Variants in ARID3B observed in about 807,000 individuals in gnomAD.
The protein encoded by ARID3B is AT-rich interactive domain-containing protein 3B.
ARID3B carries 10 observed loss-of-function variants against 51.9 expected under a neutral mutation model. The ratio of observed to expected loss-of-function variants is 0.19; its 90% CI spans 0.12 to 0.33. ARID3B has a LOEUF of 0.33. ARID3B is among the 10% of genes least tolerant of loss of function. The pLI, the probability that ARID3B is intolerant of heterozygous loss-of-function variation, is 1.00. For synonymous variants in ARID3B, 205 were observed against 279.5 expected (o/e 0.73, Z 2.66); for missense variants, 483 against 716.3 (o/e 0.67, Z 3.72).
At position 74,591,796 on chromosome 15, in the gene ARID3B, A is replaced by C. The variant is rs1205894728; in HGVS notation, c.1402A>C (p.Ile468Leu). The stretch of plus-strand genomic sequence containing the variant: ...CATGGCACGGCAGCTCCCCATGAAG[A>C]TCAGGATCAACGGCAGGGGTGAGCC... Reference protein sequence around the residue: ...FSMARQLPMKIRINGREDRAE... With the variant: ...FSMARQLPMKLRINGREDRAE... The change falls in exon 7 of 9, where the codon ATC (isoleucine) becomes CTC (leucine). Residue 468 changes from isoleucine (I) to leucine (L), a missense_variant. Ile to Leu is a conservative substitution (Grantham distance 5). Coordinates refer to ENST00000346246, the MANE Select transcript of ARID3B (RefSeq NM_006465.4). The surrounding 1 kb of genome is among the most constrained non-coding windows in gnomAD (Gnocchi z 5.8). 5.0e-6 allele frequency: 8 copies of C among 1,613,526 alleles called. No individual in the cohort carries two copies. Among genetic ancestry groups the C allele is most frequent in the Non-Finnish European group, 6.8e-6 (8 of 1,179,680 alleles).
intron 4 of ARID3B, among the ~76,000 whole-genome samples, chr15:74,584,345 G>A (rs972781592): frequency 2.0e-5 from 3 of 152,210 alleles, no homozygotes; most frequent in Non-Finnish European, 4.4e-5. Context: ...GCCTGCCTGC[G>A]CACATTCCCT....
At chr15:74,583,229 C>T (rs2061768339) in intron 4 of ARID3B, among the ~76,000 whole-genome samples, 1 of 151,894 alleles carries the variant, frequency 6.6e-6, no homozygotes, top group Non-Finnish European at 1.5e-5. Flanking sequence ...TACTGCTTTA[C>T]GCAGCTGGGA....
chr15:74,570,617 G>A (rs1168816430), intron 2 of ARID3B, among the ~76,000 whole-genome samples: 1 of 152,030 alleles, frequency 6.6e-6, no homozygotes, highest in Non-Finnish European at 1.5e-5. Context: ...TGACATAACA[G>A]AAGCGGCAAT....
Position 74,559,381 on chromosome 15 carries a change from A to C in ARID3B, c.553-13481A>C, listed in dbSNP as rs191069505. ...GGGGAAGAAGCGAGGGAGATGGTGGAGTTCCTTCACATCAGACTATCCTCA... is the reference window on the plus strand; with the variant it reads ...GGGGAAGAAGCGAGGGAGATGGTGGCGTTCCTTCACATCAGACTATCCTCA... On this transcript the variant is annotated intron_variant, in intron 2 of 8. Coordinates refer to ENST00000346246, the MANE Select transcript of ARID3B (RefSeq NM_006465.4). 2.0e-5 allele frequency among the ~76,000 whole-genome samples: 3 copies of C among 152,306 alleles called. No individual in the cohort carries two copies. The East Asian group carries it at 5.8e-4, about 29-fold the overall frequency.
At chr15:74,559,211 T>A (rs1596254034) in intron 2 of ARID3B, among the ~76,000 whole-genome samples, 1 of 152,328 alleles carries the variant, frequency 6.6e-6, no homozygotes, top group African/African-American at 2.4e-5. Context: ...CTTGAGCCCT[T>A]CAGCTTTGCC....
In ARID3B at chr15:74,584,669, C is replaced by T. The variant is rs186923220; in HGVS notation, c.698-5151C>T. On this transcript the variant is annotated intron_variant, in intron 4 of 8. Coordinates refer to ENST00000346246, the MANE Select transcript of ARID3B (RefSeq NM_006465.4). ...TCTTTGTCTCCAAAGCCAGAAGAGG[C>T]CATCTCTTCTGCCCTCACCCCTATC... 2.2e-3 allele frequency among the ~76,000 whole-genome samples: 331 copies of T among 152,354 alleles called. 1 individual carries two copies. The highest frequency in any genetic ancestry group is 3.6e-3 in the Non-Finnish European group (245 of 68,028).
chr15:74,550,450 T>C (rs1013960147), intron 2 of ARID3B, among the ~76,000 whole-genome samples: 3 of 151,948 alleles, frequency 2.0e-5, no homozygotes, highest in Admixed American at 2.0e-4. Context: ...CCCAGCACTT[T>C]GGGAGGCGGA....
chr15:74,584,575 C>T (rs1426389679), intron 4 of ARID3B, among the ~76,000 whole-genome samples: 4 of 152,172 alleles, frequency 2.6e-5, no homozygotes, highest in African/African-American at 4.8e-5. Flanking sequence ...TCTGGACTTC[C>T]CTGGAACCGG....
chr15:74,581,087 GC>G (rs1355912052), intron 4 of ARID3B, among the ~76,000 whole-genome samples: 1 of 152,194 alleles, frequency 6.6e-6, no homozygotes, highest in Non-Finnish European at 1.5e-5. Flanking sequence ...TCCTGCCCCT[GC>G]CCCATCTGGG....
chr15:74,586,920 TCCTGG>T (rs958294326), intron 4 of ARID3B, among the ~76,000 whole-genome samples: 3 of 152,172 alleles, frequency 2.0e-5, no homozygotes, highest in African/African-American at 7.2e-5. Context: ...AGAACATGCT[TCCTGG>T]AAGGAGTGGA....
At chr15:74,568,364 T>A (rs951276814) in intron 2 of ARID3B, among the ~76,000 whole-genome samples, 15 of 152,216 alleles carry the variant, frequency 9.9e-5, no homozygotes, top group Non-Finnish European at 1.6e-4. Context: ...TTCGTGTTAT[T>A]CTTTCAAACT....
chr15:74,567,703 C>T (rs1345362896), intron 2 of ARID3B, among the ~76,000 whole-genome samples: 1 of 152,132 alleles, frequency 6.6e-6, no homozygotes, highest in African/African-American at 2.4e-5. Flanking sequence ...TTTAAAAAGT[C>T]CTTCTGTAGA....
At position 74,597,740 on chromosome 15, in the gene ARID3B, A is replaced by G. The variant is rs1596267805; in HGVS notation, c.*1966A>G. On this transcript the variant is annotated 3_prime_UTR_variant, in exon 9 of 9. Transcript: ENST00000346246. ...CACCCAGAGGATGCAGGGAAAGCAC[A>G]CTGTGTCTTTCCGGTCATTGGATCC... 6 of 469,386 alleles carry G rather than the reference A, an allele frequency of 1.3e-5. No individual in the cohort carries two copies. Among genetic ancestry groups the G allele is most frequent in the South Asian group, 5.4e-5 (3 of 55,124 alleles). The allele number at this position is 469,386 out of a possible 1,614,324, so 29.1% of individuals were successfully genotyped here.
intron 1 of ARID3B, among the ~76,000 whole-genome samples, chr15:74,542,731 G>A (rs1373939141): frequency 2.0e-5 from 3 of 152,196 alleles, no homozygotes; most frequent in African/African-American, 7.2e-5. Context: ...ACGCCATGTT[G>A]CAAGTCCTGT....
At position 74,543,975 on chromosome 15, in the gene ARID3B, A is replaced by G. The variant is rs8043032; in HGVS notation, c.39A>G (p.Gln13=). 267,192 of 1,597,606 alleles carry G rather than the reference A, an allele frequency of 0.17. 26,984 individuals are homozygous for G. Among genetic ancestry groups the G allele is most frequent in the East Asian group, 0.5 (21,882 of 43,740 alleles). ...PLQQQQQQQQ[Q]QQKQPHLAPL... ...AGCAGCAGCAGCAGCAGCAGCAGCA[A>G]CAACAGAAGCAGCCACACCTGGCTC... The change falls in exon 2 of 9, where the codon CAA becomes CAG. Residue 13 remains glutamine, a synonymous_variant. Transcript: ENST00000346246.
intron 2 of ARID3B, among the ~76,000 whole-genome samples, chr15:74,565,523 G>C (rs971144023): frequency 5.9e-5 from 9 of 152,306 alleles, no homozygotes; most frequent in Admixed American, 5.9e-4. Context: ...CCCTTGCCTT[G>C]GGGAGGAATG....
intron 2 of ARID3B, among the ~76,000 whole-genome samples, chr15:74,562,124 A>ATTTTC (rs200129208): frequency 0.043 from 6,438 of 149,252 alleles, 205 homozygotes; most frequent in African/African-American, 0.087. Context: ...CGACAACGGT[A>ATTTTC]TTTTCTTTTC....
chr15:74,587,041 T>C (rs2061784295), intron 4 of ARID3B, among the ~76,000 whole-genome samples: 1 of 152,160 alleles, frequency 6.6e-6, no homozygotes, highest in South Asian at 2.1e-4. Context: ...GTTGCTTGGA[T>C]ATGCCAGGAA....
At chr15:74,556,380 A>G (rs2061657697) in intron 2 of ARID3B, among the ~76,000 whole-genome samples, 1 of 152,198 alleles carries the variant, frequency 6.6e-6, no homozygotes, top group Non-Finnish European at 1.5e-5. Context: ...CTCCAAAGCA[A>G]TTACAATGGT....
Sources: gnomAD v4.1 joint callset for allele counts (sites outside exome capture counted in the v4.1 genomes callset) on GRCh38, gnomAD v4.1.1 for gene constraint, Gnocchi (gnomAD v3.1) non-coding constraint, MANE v1.5 for transcripts, NCBI Gene and HGNC (gene_info 2026-07-23, HGNC 2026-07-21) for gene names.